The following MLIP variants were observed in gnomAD, a reference collection of about 807,000 sequenced individuals.
MLIP encodes muscular LMNA-interacting protein.
In MLIP, 79 loss-of-function variants were observed where a neutral mutation model predicts 84.8. The ratio of observed to expected loss-of-function variants is 0.93; its 90% CI spans 0.78 to 1.12. The LOEUF (loss-of-function observed/expected upper bound fraction) is 1.12. Ranked by LOEUF, MLIP falls within the 50% of genes most tolerant of loss-of-function variation. The probability of loss-of-function intolerance (pLI) is 0.00; values close to 1 mark genes in which losing one functional copy is unlikely to be tolerated. For synonymous variants in MLIP, 504 were observed against 463.0 expected (o/e 1.09, Z -1.14); for missense variants, 1,257 against 1,160.6 (o/e 1.08, Z -1.21).
chr6:54,165,861 A>G (rs533835484), intron 8 of MLIP, among the ~76,000 whole-genome samples: 1 of 151,870 alleles, frequency 6.6e-6, no homozygotes, highest in Non-Finnish European at 1.5e-5. Context: ...GGTTGTGAGG[A>G]TGGGGACCTT....
At chr6:54,246,337 G>A (rs1022528007) in intron 12 of MLIP, among the ~76,000 whole-genome samples, 1 of 152,078 alleles carries the variant, frequency 6.6e-6, no homozygotes, top group Non-Finnish European at 1.5e-5. Flanking sequence ...ATATGTTTAT[G>A]ATAGTCATAT....
intron 11 of MLIP, among the ~76,000 whole-genome samples, chr6:54,219,856 G>A (rs182763830): frequency 8.5e-5 from 13 of 152,212 alleles, no homozygotes; most frequent in Admixed American, 6.5e-4. Flanking sequence ...CATTCCTTAA[G>A]CCTGTTGTAT....
At chr6:54,166,523 A>G (rs949431163) in intron 8 of MLIP, among the ~76,000 whole-genome samples, 2 of 151,824 alleles carry the variant, frequency 1.3e-5, no homozygotes, top group African/African-American at 4.8e-5. Context: ...CCTCTTTGAT[A>G]TATTTTCCTC....
At chr6:54,154,871 A>G (rs531980157) in intron 5 of MLIP, among the ~76,000 whole-genome samples, 219 of 152,276 alleles carry the variant, frequency 1.4e-3, no homozygotes, top group African/African-American at 5.1e-3. Flanking sequence ...GAAAGAGATG[A>G]GGCAAATTAC....
At chr6:54,088,981 T>C (rs918229182) in intron 1 of MLIP, among the ~76,000 whole-genome samples, 1 of 152,078 alleles carries the variant, frequency 6.6e-6, no homozygotes, top group Non-Finnish European at 1.5e-5. Context: ...TAGCAAAGAA[T>C]TTTTACTGTT....
chr6:54,050,707 C>T (rs973858031), intron 1 of MLIP, among the ~76,000 whole-genome samples: 3 of 151,692 alleles, frequency 2.0e-5, no homozygotes, highest in Non-Finnish European at 4.4e-5. Context: ...GTTGTTTTGC[C>T]CCAGCTGGTT....
chr6:54,168,716 T>C lies in MLIP; in HGVS notation c.2500-812T>C, dbSNP rs1775452194. On this transcript the variant is annotated intron_variant, in intron 8 of 13. Transcript: ENST00000502396. ...AAGAAAAATTTCGGGCAGTACTGAATGCACATTTGAAATTGATAATTGTTA... is the reference window on the plus strand; with the variant it reads ...AAGAAAAATTTCGGGCAGTACTGAACGCACATTTGAAATTGATAATTGTTA... Among the ~76,000 whole-genome samples, 3 of 151,846 alleles carry C rather than the reference T, an allele frequency of 2.0e-5. No individual in the cohort carries two copies. The South Asian group carries it at 6.2e-4, about 31-fold the overall frequency.
At chr6:54,182,270 A>AG (rs1344664342) in intron 9 of MLIP, among the ~76,000 whole-genome samples, 2 of 152,106 alleles carry the variant, frequency 1.3e-5, no homozygotes, top group Admixed American at 1.3e-4. Context: ...AGCCCAACAT[A>AG]GTTTTGCTTT....
chr6:54,235,505 AT>A (rs1435813850), intron 12 of MLIP, among the ~76,000 whole-genome samples: 3 of 151,964 alleles, frequency 2.0e-5, no homozygotes. Context: ...GTCATCTTGT[AT>A]TTATTTGTTG....
intron 1 of MLIP, among the ~76,000 whole-genome samples, chr6:54,035,150 T>A (rs1243143500): frequency 6.6e-6 from 1 of 152,130 alleles, no homozygotes; most frequent in Non-Finnish European, 1.5e-5. Context: ...CTCCATGAGG[T>A]TTACACAATG....
intron 1 of MLIP, chr6:54,063,324 A>G (rs1282500005): frequency 6.6e-6 from 1 of 151,728 alleles, no homozygotes; most frequent in East Asian, 1.9e-4. Context: ...TAATCTGAGT[A>G]CTCCTAATAC....
intron 3 of MLIP, among the ~76,000 whole-genome samples, chr6:54,134,377 T>C (rs1771635712): frequency 2.0e-5 from 3 of 152,182 alleles, no homozygotes; most frequent in East Asian, 1.9e-4. Flanking sequence ...TTTATATTGG[T>C]ACAAATTAGG....
chr6:54,041,996 T>C (rs1264792985), intron 1 of MLIP, among the ~76,000 whole-genome samples: 3 of 152,098 alleles, frequency 2.0e-5, no homozygotes, highest in Non-Finnish European at 4.4e-5. Flanking sequence ...GAAGTTAGCA[T>C]TTTTCCCTGT....
In MLIP at chr6:54,140,007, A is replaced by C. The variant is rs137864319; in HGVS notation, c.2217+1721A>C. ...AATTTAACTTTTTCTGTGATTCTCA[A>C]TTGACAATCCTACTTATTTGAGGTA... On this transcript the variant is annotated intron_variant, in intron 4 of 13. Transcript: ENST00000502396. Among the ~76,000 whole-genome samples the C allele has an allele frequency of 1.4e-3, 213 of 152,276 alleles. 1 individual carries two copies. Among genetic ancestry groups the C allele is most frequent in the African/African-American group, 4.6e-3 (192 of 41,564 alleles).
chr6:54,101,851 T>C (rs766033547), intron 1 of MLIP, among the ~76,000 whole-genome samples: 3 of 152,144 alleles, frequency 2.0e-5, no homozygotes, highest in Non-Finnish European at 4.4e-5. Flanking sequence ...AAAATAACCA[T>C]GCATTGCTTT....
intron 1 of MLIP, among the ~76,000 whole-genome samples, chr6:54,113,103 G>T (rs1769608413): frequency 6.6e-6 from 1 of 152,052 alleles, no homozygotes; most frequent in Non-Finnish European, 1.5e-5. Context: ...TGTAACCATG[G>T]GGTGCTTATA....
intron 11 of MLIP, among the ~76,000 whole-genome samples, chr6:54,209,530 T>C (rs1269238268): frequency 6.6e-6 from 1 of 152,204 alleles, no homozygotes; most frequent in East Asian, 1.9e-4. Flanking sequence ...AAAGACTTCA[T>C]GGAAAGGGAG....
At chr6:54,096,896 G>A (rs1206547584) in intron 1 of MLIP, among the ~76,000 whole-genome samples, 2 of 152,266 alleles carry the variant, frequency 1.3e-5, no homozygotes, top group East Asian at 3.9e-4. Flanking sequence ...ATGAGACGGA[G>A]AGAGCTGAGC....
chr6:54,265,649 T>G (rs1409688014), intron 13 of MLIP, among the ~76,000 whole-genome samples: 3 of 152,016 alleles, frequency 2.0e-5, no homozygotes, highest in African/African-American at 7.2e-5. Flanking sequence ...ACAGTGCTGT[T>G]CCTTAAGGCA....
Sources: gnomAD v4.1 joint callset for allele counts (sites outside exome capture counted in the v4.1 genomes callset) on GRCh38, gnomAD v4.1.1 for gene constraint, MANE v1.5 for transcripts, NCBI Gene and HGNC (gene_info 2026-07-23, HGNC 2026-07-21) for gene names.